Variants in BDP1 observed in about 807,000 individuals in gnomAD.
The protein encoded by BDP1 is BDP1 general transcription factor IIIB subunit.
Under a neutral mutation model 266.6 loss-of-function variants are expected in BDP1, and 169 were observed. That is an observed-to-expected ratio of 0.63 (90% confidence interval 0.56 to 0.72). BDP1 has a LOEUF of 0.72. Among genes scored for constraint, BDP1 ranks in the 30% least tolerant of loss-of-function variants. The pLI is 0.00. For synonymous variants in BDP1, 1,090 were observed against 1,022.4 expected, an observed-to-expected ratio of 1.07 and a Z score of -1.26; for missense variants, 3,015 against 3,053.8, an observed-to-expected ratio of 0.99 and a Z score of 0.30.
chr5:71,571,282 C>A (rs986747498), downstream of BDP1, among the ~76,000 whole-genome samples: 1 of 152,174 alleles, frequency 6.6e-6, no homozygotes, highest in African/African-American at 2.4e-5. Context: ...GTAGCTGGGA[C>A]TATAGGTGCA....
intron 24 of BDP1, among the ~76,000 whole-genome samples, chr5:71,523,523 AG>A (rs1443712704): frequency 6.6e-6 from 1 of 152,176 alleles, no homozygotes; most frequent in Non-Finnish European, 1.5e-5. Flanking sequence ...CATGTTGGCC[AG>A]GCTGGTCTTG....
At position 71,474,270 on chromosome 5, in the gene BDP1, G is replaced by A. The variant is rs376492667; in HGVS notation, c.1014+3781G>A. ...GCTAAGATTACAGGCATGAGCCACCGTGCCTGGCCTGTACATTTCCTTTTA... is the reference window on the plus strand; with the variant it reads ...GCTAAGATTACAGGCATGAGCCACCATGCCTGGCCTGTACATTTCCTTTTA... On this transcript the variant is annotated intron_variant, in intron 7 of 38. Coordinates refer to ENST00000358731, the MANE Select transcript of BDP1 (RefSeq NM_018429.3). Among the ~76,000 whole-genome samples, 16 of 151,094 alleles carry A rather than the reference G, an allele frequency of 1.1e-4. 1 individual carries two copies. The highest frequency in any genetic ancestry group is 3.6e-4 in the African/African-American group (15 of 41,162).
At chr5:71,539,682 G>A (rs1231061352) in intron 28 of BDP1, 33 bp downstream of exon 28, 5 of 1,483,842 alleles carry the variant, frequency 3.4e-6, no homozygotes, top group Non-Finnish European at 4.6e-6. Flanking sequence ...ATCAAAAATA[G>A]AAACTTTTAA....
At chr5:71,504,867 T>G (rs966400183) in intron 16 of BDP1, 116 bp downstream of exon 16, 1 of 913,250 alleles carries the variant, frequency 1.1e-6, no homozygotes, top group Non-Finnish European at 1.7e-6. Flanking sequence ...TGTCTAGTTA[T>G]GTAGTGTTTA....
Position 71,461,831 on chromosome 5 carries a change from C to G in BDP1, c.504C>G (p.Asn168Lys), listed in dbSNP as rs1187992430. The G allele has an allele frequency of 1.9e-6, 3 of 1,595,438 alleles. No homozygotes were observed. The highest frequency in any genetic ancestry group is 2.6e-6 in the Non-Finnish European group (3 of 1,168,706). The change falls in exon 3 of 39, where the codon AAC becomes AAG. Residue 168 changes from asparagine (N) to lysine (K), a missense_variant. Asn to Lys is a moderately conservative substitution (Grantham distance 94). Transcript: ENST00000358731. ...ELRKEKKQWKNKYAINESQRP... is the reference protein window; with the variant it reads ...ELRKEKKQWKKKYAINESQRP... Reference sequence around the variant, plus strand: ...TATGTATACAGAAACAATGGAAAAACAAATATGCTATAAATGAAAGTCAGA... The same window carrying G: ...TATGTATACAGAAACAATGGAAAAAGAAATATGCTATAAATGAAAGTCAGA...
At position 71,494,738 on chromosome 5, in the gene BDP1, CAG is replaced by C. The variant is rs1331736433; in HGVS notation, c.1641-509_1641-508del. 3.9e-5 allele frequency: 6 copies of C among 152,146 alleles called. No individual in the cohort carries two copies. The East Asian group carries it at 1.2e-3, about 29-fold the overall frequency. 9.4% of individuals were successfully genotyped at this position (152,146 alleles called of 1,614,324 possible). ...TTTGAAGCCTTTTCTTTTTTTGAAA[CAG>C]AGCTTTGCTCTGTCACCCAGTCTGG... On this transcript the variant is annotated intron_variant, in intron 11 of 38. Transcript: ENST00000358731.
In BDP1 at chr5:71,509,601, A is replaced by AT; in HGVS notation, c.2511dup (p.Leu838SerfsTer29). On this transcript the variant is annotated frameshift_variant, in exon 17 of 39. Coordinates refer to ENST00000358731, the MANE Select transcript of BDP1 (RefSeq NM_018429.3). LOFTEE classifies it high-confidence loss of function. Reference sequence around the variant, plus strand: ...CTCAAAGGAAGAGGTACTAGAGAAGATTCTTGTCTCTGGGGAAATGGCGGC... The same window carrying AT: ...CTCAAAGGAAGAGGTACTAGAGAAGATTTCTTGTCTCTGGGGAAATGGCGGC... The AT allele has an allele frequency of 6.2e-7, 1 of 1,613,976 alleles. No homozygotes were observed. Among genetic ancestry groups the AT allele is most frequent in the Non-Finnish European group, 8.5e-7 (1 of 1,179,996 alleles).
intron 7 of BDP1, among the ~76,000 whole-genome samples, chr5:71,481,542 A>C (rs921162496): frequency 6.6e-6 from 1 of 152,144 alleles, no homozygotes; most frequent in African/African-American, 2.4e-5. Flanking sequence ...GGAAGACATC[A>C]AGACTCTGTT....
chr5:71,457,098 G>C (rs546206357), intron 1 of BDP1, among the ~76,000 whole-genome samples: 193 of 151,836 alleles, frequency 1.3e-3, no homozygotes, highest in Non-Finnish European at 2.3e-3. Flanking sequence ...GATACTAGTC[G>C]CTGTTACATT....
rs148319773 is a variant in BDP1 at position 71,532,106 on chromosome 5, C to T, written c.5773-202C>T. The stretch of plus-strand genomic sequence containing the variant: ...TACTGGTTTTAATAGTCACAGCCAC[C>T]TCAAAAATTTTAAATGTTTTACTTT... On this transcript the variant is annotated intron_variant, in intron 25 of 38. Coordinates refer to ENST00000358731, the MANE Select transcript of BDP1 (RefSeq NM_018429.3). Among the ~76,000 whole-genome samples, 318 of 152,190 alleles carry T rather than the reference C, an allele frequency of 2.1e-3. 1 individual carries two copies. Among genetic ancestry groups the T allele is most frequent in the African/African-American group, 6.6e-3 (272 of 41,516 alleles).
In BDP1 at chr5:71,539,379, T is replaced by G. The variant is rs555130200; in HGVS notation, c.5930-178T>G. On this transcript the variant is annotated intron_variant, in intron 27 of 38. Transcript: ENST00000358731. ...GTCAGTGAGTCAAAACCAACAGTGATGATTTATTTATTTGTAGCATATAAC... is the reference window on the plus strand; with the variant it reads ...GTCAGTGAGTCAAAACCAACAGTGAGGATTTATTTATTTGTAGCATATAAC... Among the ~76,000 whole-genome samples the G allele has an allele frequency of 4.1e-4, 63 of 152,316 alleles. No individual in the cohort carries two copies. The highest frequency in any genetic ancestry group is 2.5e-3 in the South Asian group (12 of 4,826).
chr5:71,456,458 A>G (rs1015996317), intron 1 of BDP1, among the ~76,000 whole-genome samples: 9 of 152,208 alleles, frequency 5.9e-5, no homozygotes, highest in African/African-American at 2.2e-4. Flanking sequence ...CTTTCAATTT[A>G]TAAAATATTT....
intron 4 of BDP1, 76 bp from the exon 5 acceptor site, chr5:71,466,020 C>A: frequency 4.1e-6 from 6 of 1,451,440 alleles, no homozygotes; most frequent in South Asian, 2.7e-5. Flanking sequence ...AGTTTGTAAT[C>A]ATTTATTTTA....
chr5:71,504,821 A>C, intron 16 of BDP1, 70 bp downstream of exon 16: 1 of 1,465,380 alleles, frequency 6.8e-7, no homozygotes, highest in Non-Finnish European at 9.5e-7. Context: ...TCAGTTTTTT[A>C]AAGCAGAAGC....
chr5:71,551,630 CTCCCAGACGGGG>C (rs963045787), intron 34 of BDP1, among the ~76,000 whole-genome samples: 5 of 152,184 alleles, frequency 3.3e-5, no homozygotes, highest in African/African-American at 1.2e-4. Context: ...CTGGGCACAC[CTCCCAGACGGGG>C]TGGTGGCCGG....
downstream of BDP1, among the ~76,000 whole-genome samples, chr5:71,570,150 C>T (rs1024258618): frequency 1.5e-4 from 23 of 152,296 alleles, no homozygotes; most frequent in African/African-American, 5.1e-4. Context: ...CCATCTTTCA[C>T]GCAACCTCCA....
At chr5:71,570,075 C>T (rs139532105), downstream of BDP1, among the ~76,000 whole-genome samples, 22 of 152,278 alleles carry the variant, frequency 1.4e-4, no homozygotes, top group African/African-American at 5.3e-4. Flanking sequence ...TATCCTACTT[C>T]TGTGTATTCT....
rs187545773 is a variant in BDP1 at position 71,510,810 on chromosome 5, G to A, written c.3718G>A (p.Val1240Met). ...IREEISQREK[V>M]LAEFSAIREK... Reference sequence around the variant, plus strand: ...AGAAGAAATTTCCCAAAGGGAAAAGGTGCTAGCAGAGTTCAGTGCTATAAG... The same window carrying A: ...AGAAGAAATTTCCCAAAGGGAAAAGATGCTAGCAGAGTTCAGTGCTATAAG... The change falls in exon 17 of 39, where the codon GTG becomes ATG. Residue 1240 changes from valine to methionine, a missense_variant. By Grantham distance (21) the Val-to-Met change is conservative. Around this residue, in one of 3 missense-constraint regions of BDP1, gnomAD observed 2,383 missense variants for 2,404.9 expected, o/e 0.99. Transcript: ENST00000358731. 9 of 1,613,700 alleles carry A rather than the reference G, an allele frequency of 5.6e-6. No homozygotes were observed. The highest frequency in any genetic ancestry group is 2.7e-5 in the African/African-American group (2 of 74,976).
chr5:71,485,928 C>A (rs1404373040), intron 8 of BDP1, among the ~76,000 whole-genome samples: 1 of 152,134 alleles, frequency 6.6e-6, no homozygotes, highest in Non-Finnish European at 1.5e-5. Flanking sequence ...CCTGTGTAAT[C>A]ACTACCCCAA....
Sources: gnomAD v4.1 joint callset for allele counts (sites outside exome capture counted in the v4.1 genomes callset) on GRCh38, gnomAD v4.1.1 for gene constraint, gnomAD v4.1.1 regional missense constraint, MANE v1.5 for transcripts, NCBI Gene and HGNC (gene_info 2026-07-23, HGNC 2026-07-21) for gene names.